Variants in DAB2IP observed in about 807,000 individuals in gnomAD.
DAB2IP encodes disabled homolog 2-interacting protein.
DAB2IP carries 28 observed loss-of-function variants against 107.2 expected under a neutral mutation model. The observed-to-expected ratio is 0.26, with a 90% confidence interval of 0.19 to 0.36. The LOEUF is 0.36. Among genes scored for constraint, DAB2IP ranks in the 10% least tolerant of loss-of-function variants. The pLI is 1.00. For synonymous variants in DAB2IP, 755 were observed against 706.4 expected (o/e 1.07, Z -1.09); for missense variants, 1,400 against 1,644.7 (o/e 0.85, Z 2.57).
intron 6 of DAB2IP, among the ~76,000 whole-genome samples, chr9:121,761,965 T>G (rs1199827243): frequency 7.2e-5 from 11 of 152,122 alleles, no homozygotes; most frequent in African/African-American, 2.7e-4. Flanking sequence ...CAGCCTGAAA[T>G]GATAGGTATG....
At chr9:121,731,995 A>G (rs1465644717) in intron 3 of DAB2IP, among the ~76,000 whole-genome samples, 1 of 152,150 alleles carries the variant, frequency 6.6e-6, no homozygotes, top group Non-Finnish European at 1.5e-5. Context: ...ACCTAGCCAC[A>G]GACACAGAAA....
intron 1 of DAB2IP, among the ~76,000 whole-genome samples, chr9:121,583,455 G>A (rs1187108412): frequency 6.6e-6 from 1 of 152,168 alleles, no homozygotes. Flanking sequence ...GGGTAGGGGA[G>A]GAGCCGGCTC....
intron 3 of DAB2IP, chr9:121,737,459 A>G: frequency 1.0e-6 from 1 of 985,452 alleles, no homozygotes; most frequent in East Asian, 1.1e-4. Flanking sequence ...TCCTAGGCTC[A>G]CCTCTTAGAT....
rs1829904080 is a variant in DAB2IP at position 121,703,697 on chromosome 9, TAATTA to T, written c.362+4243_362+4247del. 2.0e-5 allele frequency among the ~76,000 whole-genome samples: 3 copies of T among 152,344 alleles called. No individual in the cohort carries two copies. In the South Asian group the frequency reaches 6.2e-4, roughly 32 times the overall value. On this transcript the variant is annotated intron_variant, in intron 3 of 15. Transcript: ENST00000408936. ...ACATTTCTTAAATGTTTCTAAAATT[TAATTA>T]AATAATGTGTGAAAGAGGTTAGATT...
At chr9:121,752,091 G>A in intron 3 of DAB2IP, 1 of 937,114 alleles carries the variant, frequency 1.1e-6, no homozygotes, top group Non-Finnish European at 1.3e-6. Context: ...CAGAGGGTAG[G>A]ATGAGCCTCC....
chr9:121,764,686 C>T (rs1347057197), intron 8 of DAB2IP, among the ~76,000 whole-genome samples: 1 of 152,190 alleles, frequency 6.6e-6, no homozygotes, highest in Non-Finnish European at 1.5e-5. Flanking sequence ...TTACAGCCCC[C>T]ACCCACCCAA....
upstream of DAB2IP, among the ~76,000 whole-genome samples, chr9:121,649,819 C>G (rs12350538): frequency 0.085 from 12,964 of 152,212 alleles, 1,177 homozygotes; most frequent in African/African-American, 0.2. Flanking sequence ...TGTGTGCGCT[C>G]TGTCCAGGGG....
rs777638226 is a variant in DAB2IP, at chr9:121,760,001, C to T, written c.732C>T (p.Arg244=). Residue 244 remains arginine, a synonymous_variant, in exon 6 of 16, where the codon CGC becomes CGT. Transcript: ENST00000408936. This position sits in a 1 kb window ranked among gnomAD's most constrained non-coding sequence, Gnocchi z 5.9. ...GCCTGGACGATGTGCTCTATGCCCG[C>T]ACCACGGGCAAGCTCAAGACGGACA... The T allele has an allele frequency of 5.0e-6, 8 of 1,614,098 alleles. No homozygotes were observed. In the South Asian group the frequency reaches 8.8e-5, roughly 18 times the overall value.
chr9:121,673,065 G>A (rs1198178303), intron 1 of DAB2IP, among the ~76,000 whole-genome samples: 1 of 152,222 alleles, frequency 6.6e-6, no homozygotes, highest in Admixed American at 6.5e-5. Flanking sequence ...GAGGGTGTGT[G>A]TGTGTTTTTA....
chr9:121,717,175 C>T (rs1830650577), intron 3 of DAB2IP, among the ~76,000 whole-genome samples: 1 of 152,176 alleles, frequency 6.6e-6, no homozygotes. Context: ...TAGGAATTAC[C>T]AACTTCCACA....
At chr9:121,745,808 GTC>G (rs1201213566) in intron 3 of DAB2IP, among the ~76,000 whole-genome samples, 1 of 152,214 alleles carries the variant, frequency 6.6e-6, no homozygotes, top group Non-Finnish European at 1.5e-5. Flanking sequence ...CACCTCTTCT[GTC>G]TCTCTGAGCT....
At chr9:121,645,569 A>T (rs531829771) in intron 1 of DAB2IP, among the ~76,000 whole-genome samples, 1 of 152,056 alleles carries the variant, frequency 6.6e-6, no homozygotes, top group African/African-American at 2.4e-5. Context: ...TCACTTCCCC[A>T]TCTTCAGGAA....
intron 1 of DAB2IP, among the ~76,000 whole-genome samples, chr9:121,636,301 A>G (rs1290292183): frequency 6.6e-6 from 1 of 152,204 alleles, no homozygotes; most frequent in African/African-American, 2.4e-5. Context: ...CCTCCTGGCC[A>G]GACCTCCTGC....
intron 1 of DAB2IP, among the ~76,000 whole-genome samples, chr9:121,590,268 T>TCTCCTTCTGGCCC (rs1178410986): frequency 6.7e-6 from 1 of 150,088 alleles, no homozygotes; most frequent in Non-Finnish European, 1.5e-5. Context: ...GGAGCTGCTT[T>TCTCCTTCTGGCCC]CTCCTTCTGG....
chr9:121,625,844 T>A (rs1393145506), intron 1 of DAB2IP, among the ~76,000 whole-genome samples: 1 of 152,204 alleles, frequency 6.6e-6, no homozygotes, highest in Non-Finnish European at 1.5e-5. Context: ...TACATCCAAA[T>A]CTGGTAGCTT....
chr9:121,770,684 G>A (rs998011166), exon 11 of DAB2IP: 34 of 1,614,052 alleles, frequency 2.1e-5, no homozygotes, highest in Non-Finnish European at 2.9e-5. Context: ...CAGCATCTCA[G>A]CTGGGCTGCA....
At chr9:121,655,199 C>G (rs1481071631) in intron 1 of DAB2IP, among the ~76,000 whole-genome samples, 1 of 152,048 alleles carries the variant, frequency 6.6e-6, no homozygotes, top group African/African-American at 2.4e-5. Context: ...TTGCATTTTC[C>G]CACTGTGTCC....
intron 1 of DAB2IP, chr9:121,598,357 A>C (rs1279808973): frequency 4.6e-5 from 7 of 152,062 alleles, no homozygotes; most frequent in African/African-American, 1.5e-4. Flanking sequence ...CCGCCGTTGG[A>C]TTCTGAGCCG....
intron 1 of DAB2IP, among the ~76,000 whole-genome samples, chr9:121,659,617 C>T (rs948462598): frequency 6.6e-6 from 1 of 152,006 alleles, no homozygotes; most frequent in Non-Finnish European, 1.5e-5. Context: ...CACGGTGAAA[C>T]CCCGTCTCTA....
Sources: gnomAD v4.1 joint callset for allele counts (sites outside exome capture counted in the v4.1 genomes callset) on GRCh38, gnomAD v4.1.1 for gene constraint, Gnocchi (gnomAD v3.1) non-coding constraint, MANE v1.5 for transcripts, NCBI Gene and HGNC (gene_info 2026-07-23, HGNC 2026-07-21) for gene names.